Variants in RPL36A observed in about 807,000 individuals in gnomAD.
RPL36A encodes the protein ribosomal protein L36a, also known as large ribosomal subunit protein eL42.
For missense variants in RPL36A, 20 were observed against 81.0 expected (o/e 0.25, Z 2.89); for synonymous variants, 25 against 28.5 (o/e 0.88, Z 0.39).
intron 3 of RPL36A, among the ~76,000 whole-genome samples, chrX:101,394,916 G>A (rs1555984091): frequency 9.7e-6 from 1 of 103,084 alleles, no homozygotes; most frequent in Non-Finnish European, 2.0e-5. Flanking sequence ...AGCCTCCTAA[G>A]CAGCTGGGAT....
intron 3 of RPL36A, among the ~76,000 whole-genome samples, chrX:101,394,870 C>T (rs1441270315): frequency 8.1e-5 from 8 of 98,339 alleles, no homozygotes; most frequent in South Asian, 5.0e-4. Context: ...CTGCAACTTC[C>T]GCCCACCTCC....
At chrX:101,393,038 T>TGGGAGGCAGAGGCTGCA (rs1927874125) in intron 3 of RPL36A, 1 of 93,601 alleles carries the variant, frequency 1.1e-5, no homozygotes, top group Admixed American at 1.4e-4. Context: ...CGCTGGAACC[T>TGGGAGGCAGAGGCTGCA]GGGAGGCAGA....
Position 101,395,929 on chromosome X carries a change from C to G in RPL36A, c.*181C>G, listed in dbSNP as rs1023100776. The G allele has an allele frequency of 1.4e-5, 6 of 435,867 alleles. No individual in the cohort carries two copies. In the East Asian group the frequency reaches 1.5e-4, roughly 11 times the overall value. The allele number at this position is 435,867 out of a possible 1,213,427, so 35.9% of individuals were successfully genotyped here. On this transcript the variant is annotated 3_prime_UTR_variant, in exon 5 of 5. Coordinates refer to ENST00000553110, the MANE Select transcript of RPL36A (RefSeq NM_021029.6). ...TGAAGCTGACTGGTTGAGTTCACATCATATGTTGCAATTTTCTAATTTGGC... is the reference window on the plus strand; with the variant it reads ...TGAAGCTGACTGGTTGAGTTCACATGATATGTTGCAATTTTCTAATTTGGC...
At chrX:101,394,772 TATA>T (rs1927958460) in intron 3 of RPL36A, among the ~76,000 whole-genome samples, 1 of 90,698 alleles carries the variant, frequency 1.1e-5, no homozygotes, top group Admixed American at 1.3e-4. Flanking sequence ...TATTTATATA[TATA>T]ATATATATAT....
rs782513165 is a variant in RPL36A at position 101,395,851 on chromosome X, A to C, written c.*103A>C. ...GGGAATAAGCTAGAGCCATCAATAC[A>C]ATTCCGCTTGTGGGGAAATTTATGC... On this transcript the variant is annotated 3_prime_UTR_variant, in exon 5 of 5. Transcript: ENST00000553110. 34 of 798,559 alleles carry C rather than the reference A, an allele frequency of 4.3e-5. No homozygotes were observed. In the South Asian group the frequency reaches 8.7e-4, roughly 20 times the overall value. The allele number at this position is 798,559 out of a possible 1,213,427, so 65.8% of individuals were successfully genotyped here.
At chrX:101,394,674 C>T (rs1311162951) in intron 3 of RPL36A, among the ~76,000 whole-genome samples, 2 of 103,008 alleles carry the variant, frequency 1.9e-5, no homozygotes, top group East Asian at 5.9e-4. Context: ...AACTGGGTGA[C>T]ATGCCATCTT....
At chrX:101,392,840 C>T (rs782264344) in intron 3 of RPL36A, 38 of 131,626 alleles carry the variant, frequency 2.9e-4, no homozygotes, top group African/African-American at 1.1e-3. Flanking sequence ...TACCTATACG[C>T]GGCCAGGCAC....
chrX:101,395,937 G>A lies in RPL36A; in HGVS notation c.*189G>A, dbSNP rs879957106. ...ACTGGTTGAGTTCACATCATATGTT[G>A]CAATTTTCTAATTTGGCACTTCAAT... is the stretch of plus-strand genomic sequence containing the variant. On this transcript the variant is annotated 3_prime_UTR_variant, in exon 5 of 5. Transcript: ENST00000553110. 8.0e-5 allele frequency: 34 copies of A among 427,131 alleles called. No homozygotes were observed. The South Asian group carries it at 1.4e-3, about 18-fold the overall frequency. 35.2% of individuals were successfully genotyped at this position (427,131 alleles called of 1,213,427 possible). A position where few individuals can be genotyped will look rare whatever the true frequency, so the allele number is the denominator to read the frequency against.
intron 1 of RPL36A, 150 bp downstream of exon 1, chrX:101,391,196 G>A: frequency 2.9e-6 from 2 of 681,484 alleles, no homozygotes; most frequent in Admixed American, 2.9e-5. Context: ...TAAAGGGACC[G>A]GGCTACGGGG....
intron 4 of RPL36A, 127 bp downstream of exon 4, chrX:101,395,584 A>T: frequency 1.8e-6 from 2 of 1,093,247 alleles, no homozygotes; most frequent in South Asian, 4.2e-5. Context: ...ATAGCTAAAG[A>T]TATGTGAGGT....
Position 101,395,662 on chromosome X carries a change from T to C in RPL36A, c.301-66T>C, listed in dbSNP as rs372680786. On this transcript the variant is annotated intron_variant, in intron 4 of 4. Coordinates refer to ENST00000553110, the MANE Select transcript of RPL36A (RefSeq NM_021029.6). ...GCATGGTGAGTATTTTAGGAACAGA[T>C]AATGTTCTTAATGGGGCAGTAGTTC... 135 of 1,145,070 alleles carry C rather than the reference T, an allele frequency of 1.2e-4. 4 individuals carry two copies. The East Asian group carries it at 2.0e-3, about 17-fold the overall frequency. The allele number at this position is 1,145,070 out of a possible 1,213,427, so 94.4% of individuals were successfully genotyped here.
chrX:101,392,537 C>A, intron 3 of RPL36A: 2 of 754,875 alleles, frequency 2.6e-6, no homozygotes, highest in Non-Finnish European at 3.1e-6. Flanking sequence ...TACCTTTTCA[C>A]ATTCGGATAA....
rs949410016 is a variant in RPL36A, at chrX:101,391,629, C to G, written c.109+65C>G. On this transcript the variant is annotated intron_variant, in intron 2 of 4. Transcript: ENST00000553110. ...TTGTGTTGTAGAATAACATACGAGT[C>G]CGGGTCTCTCTCCCTCCACGCCTGG... 15 of 1,191,087 alleles carry G rather than the reference C, an allele frequency of 1.3e-5. No individual in the cohort carries two copies. The African/African-American group carries it at 2.3e-4, about 18-fold the overall frequency.
intron 3 of RPL36A, among the ~76,000 whole-genome samples, chrX:101,394,788 A>ATTTT (rs1247157041): frequency 1.4e-5 from 1 of 71,774 alleles, no homozygotes; most frequent in African/African-American, 9.8e-5. Context: ...ATATATATAT[A>ATTTT]TATTTTTTTT....
intron 3 of RPL36A, among the ~76,000 whole-genome samples, chrX:101,394,206 G>A (rs781976560): frequency 2.4e-4 from 26 of 108,668 alleles, no homozygotes; most frequent in African/African-American, 4.0e-4. Flanking sequence ...GGTGGTGGGC[G>A]CCTGTTATCC....
At chrX:101,393,395 A>G (rs1358697357) in intron 3 of RPL36A, 2 of 112,022 alleles carry the variant, frequency 1.8e-5, no homozygotes, top group Non-Finnish European at 3.8e-5. Context: ...GGGTACAAAA[A>G]GAAAAAAGAA....
At chrX:101,391,637 C>G (rs2147463240) in intron 2 of RPL36A, 73 bp downstream of exon 2, 2 of 1,194,934 alleles carry the variant, frequency 1.7e-6, no homozygotes, top group South Asian at 1.8e-5. Context: ...GTCCGGGTCT[C>G]TCTCCCTCCA....
At chrX:101,392,338 TG>T in intron 3 of RPL36A, 1 of 860,665 alleles carries the variant, frequency 1.2e-6, no homozygotes, top group Non-Finnish European at 1.4e-6. Flanking sequence ...AAACCTTAGG[TG>T]ATTTGGCTAA....
intron 1 of RPL36A, 123 bp from the exon 2 acceptor site, chrX:101,391,336 G>T: frequency 1.2e-6 from 1 of 865,704 alleles, no homozygotes; most frequent in Admixed American, 2.4e-5. Flanking sequence ...GGCCCACCCT[G>T]TAGTCAGAGG....
Sources: allele counts gnomAD v4.1 joint callset (sites outside exome capture counted in the v4.1 genomes callset), GRCh38; gene constraint gnomAD v4.1.1; transcripts MANE v1.5; gene names NCBI Gene and HGNC (gene_info 2026-07-23, HGNC 2026-07-21).